CASQ2: variants seen among roughly 807,000 people sequenced by gnomAD.
CASQ2 encodes calsequestrin 2, also known as calsequestrin-2.
A neutral mutation model predicts 46.5 loss-of-function variants in CASQ2; 49 were observed. The ratio of observed to expected loss-of-function variants is 1.05; its 90% CI spans 0.84 to 1.34. The LOEUF (loss-of-function observed/expected upper bound fraction) is 1.34. Ranked by LOEUF, CASQ2 falls within the 40% of genes most tolerant of loss-of-function variation. CASQ2 has a pLI of 0.00. For missense variants in CASQ2, 486 were observed against 481.3 expected (o/e 1.01, Z -0.09); for synonymous variants, 174 against 168.5 (o/e 1.03, Z -0.25).
At chr1:115,742,657 T>A (rs370157862) in intron 2 of CASQ2, among the ~76,000 whole-genome samples, 6 of 152,336 alleles carry the variant, frequency 3.9e-5, no homozygotes, top group African/African-American at 9.6e-5. Flanking sequence ...CTAGTATTTT[T>A]CTCTAACTAA....
rs956588467 is a variant in CASQ2 at position 115,741,077 on chromosome 1, C to T, written c.320-249G>A. On this transcript the variant is annotated intron_variant, in intron 2 of 10. Transcript: ENST00000261448. The stretch of plus-strand genomic sequence containing the variant: ...TAAAAGAAAAGTCTATTCTCCACTC[C>T]ACCACTGCTTTAGTTTTCCAAAAAT... Among the ~76,000 whole-genome samples the T allele has an allele frequency of 3.3e-5, 5 of 152,336 alleles. No homozygotes were observed. In the South Asian group the frequency reaches 6.2e-4, roughly 19 times the overall value.
intron 1 of CASQ2, among the ~76,000 whole-genome samples, chr1:115,758,595 G>C (rs1648838791): frequency 6.6e-6 from 1 of 152,194 alleles, no homozygotes; most frequent in Non-Finnish European, 1.5e-5. Context: ...GGTCATGGAG[G>C]TGAATCCCTT....
rs541969897 is a variant in CASQ2 at position 115,701,035 on chromosome 1, C to G, written c.*206G>C. On this transcript the variant is annotated 3_prime_UTR_variant, in exon 11 of 11. Coordinates refer to ENST00000261448, the MANE Select transcript of CASQ2 (RefSeq NM_001232.4). ...AGTCAACATGGGAATAATTTTTCTC[C>G]TGTCCCTGCTAAGTGGGATTGCTGC... The G allele has an allele frequency of 1.4e-6, 1 of 713,232 alleles. No individual in the cohort carries two copies. Among genetic ancestry groups the G allele is most frequent in the East Asian group, 2.5e-5 (1 of 40,246 alleles). The allele number at this position is 713,232 out of a possible 1,614,324, so 44.2% of individuals were successfully genotyped here.
intron 6 of CASQ2, among the ~76,000 whole-genome samples, chr1:115,725,997 A>T (rs2101077916): frequency 6.6e-6 from 1 of 152,304 alleles, no homozygotes; most frequent in South Asian, 2.1e-4. Flanking sequence ...TATACATTGA[A>T]AGTCCTTTAG....
chr1:115,717,979 A>G, intron 7 of CASQ2, 85 bp from the exon 8 acceptor site: 1 of 939,370 alleles, frequency 1.1e-6, no homozygotes, highest in Non-Finnish European at 1.8e-6. Flanking sequence ...AGAAGCTGGA[A>G]TGGGAATAGG....
At chr1:115,746,647 T>G (rs1648400089) in intron 1 of CASQ2, among the ~76,000 whole-genome samples, 1 of 152,224 alleles carries the variant, frequency 6.6e-6, no homozygotes, top group Non-Finnish European at 1.5e-5. Context: ...GAAATGCCTG[T>G]TCACATCTTT....
intron 4 of CASQ2, among the ~76,000 whole-genome samples, chr1:115,734,810 G>A (rs180851790): frequency 2.6e-5 from 4 of 152,304 alleles, no homozygotes; most frequent in Admixed American, 2.0e-4. Context: ...TAGTAACTGG[G>A]TGTGGTTGAT....
intron 8 of CASQ2, among the ~76,000 whole-genome samples, chr1:115,713,636 G>A (rs1317233932): frequency 6.6e-6 from 1 of 152,196 alleles, no homozygotes; most frequent in African/African-American, 2.4e-5. Flanking sequence ...CCCAAACCTG[G>A]ACAGACAGTG....
chr1:115,728,705 TTTGA>T (rs1647679189), intron 5 of CASQ2, among the ~76,000 whole-genome samples: 1 of 152,232 alleles, frequency 6.6e-6, no homozygotes, highest in African/African-American at 2.4e-5. Context: ...TAATTCTCAC[TTTGA>T]TTGTATGTGG....
intron 1 of CASQ2, among the ~76,000 whole-genome samples, chr1:115,758,899 G>T (rs1256120556): frequency 6.6e-6 from 1 of 152,148 alleles, no homozygotes; most frequent in Non-Finnish European, 1.5e-5. Context: ...AAATTACCTA[G>T]TCTTAGGTAT....
rs764957093 is a variant in CASQ2 at position 115,701,298 on chromosome 1, A to ATCATCATCATCT, written c.1131_1142dup (p.Glu377_Asp380dup). On this transcript the variant is annotated inframe_insertion, in exon 11 of 11. Transcript: ENST00000261448. ...TATCCTCTTCATCAGAATTATCATC[A>ATCATCATCATCT]TCATCATCATCTTCATCATCATCTT... 6.3e-7 allele frequency: 1 copy of ATCATCATCATCT among 1,597,616 alleles called. No individual in the cohort carries two copies. The highest frequency in any genetic ancestry group is 8.6e-7 in the Non-Finnish European group (1 of 1,165,116).
intron 7 of CASQ2, among the ~76,000 whole-genome samples, chr1:115,720,435 TGG>T (rs1647325838): frequency 6.6e-6 from 1 of 152,084 alleles, no homozygotes; most frequent in African/African-American, 2.4e-5. Context: ...ACCATTACCT[TGG>T]GGGCTATGAT....
intron 1 of CASQ2, among the ~76,000 whole-genome samples, chr1:115,763,993 A>T (rs1649044130): frequency 6.6e-6 from 1 of 152,130 alleles, no homozygotes; most frequent in Non-Finnish European, 1.5e-5. Flanking sequence ...TAAATTTACT[A>T]TCTTGGTGGA....
At chr1:115,709,286 GA>G (rs1479231289) in intron 8 of CASQ2, among the ~76,000 whole-genome samples, 2 of 152,210 alleles carry the variant, frequency 1.3e-5, no homozygotes, top group African/African-American at 4.8e-5. Flanking sequence ...TTTTGACCAG[GA>G]AGGCAGGTGT....
chr1:115,710,036 G>A (rs11804289), intron 8 of CASQ2, among the ~76,000 whole-genome samples: 5,146 of 152,160 alleles, frequency 0.034, 128 homozygotes, highest in African/African-American at 0.065. Context: ...TAAAGATGAA[G>A]TCTCTCTGTG....
At position 115,737,142 on chromosome 1, in the gene CASQ2, C is replaced by T. The variant is rs1057109993; in HGVS notation, c.532+1082G>A. Reference sequence around the variant, plus strand: ...CACCCCAGAGTAGTCAGCACTGATACGGAAATGTACAAACTAAAATAAAAT... The same window carrying T: ...CACCCCAGAGTAGTCAGCACTGATATGGAAATGTACAAACTAAAATAAAAT... On this transcript the variant is annotated intron_variant, in intron 4 of 10. Coordinates refer to ENST00000261448, the MANE Select transcript of CASQ2 (RefSeq NM_001232.4). Among the ~76,000 whole-genome samples, 4 of 152,094 alleles carry T rather than the reference C, an allele frequency of 2.6e-5. No homozygotes were observed. The East Asian group carries it at 5.8e-4, about 22-fold the overall frequency.
In CASQ2 at chr1:115,711,116, C is replaced by A. The variant is rs749547833; in HGVS notation, c.839-5824G>T. On this transcript the variant is annotated intron_variant, in intron 8 of 10. Coordinates refer to ENST00000261448, the MANE Select transcript of CASQ2 (RefSeq NM_001232.4). The stretch of plus-strand genomic sequence containing the variant: ...TGCCCTGCTATCTGTCCTCATGGCC[C>A]CACTCCTGGGGGAGCTGGCTGTGCT... 1.6e-4 allele frequency among the ~76,000 whole-genome samples: 24 copies of A among 152,166 alleles called. 1 individual carries two copies. Among genetic ancestry groups the A allele is most frequent in the Non-Finnish European group, 4.4e-5 (3 of 68,020 alleles).
rs746749397 is a variant in CASQ2 at position 115,740,712 on chromosome 1, G to A, written c.420+16C>T. 6 of 1,499,088 alleles carry A rather than the reference G, an allele frequency of 4.0e-6. No individual in the cohort carries two copies. The highest frequency in any genetic ancestry group is 5.6e-6 in the Non-Finnish European group (6 of 1,074,920). 92.9% of individuals were successfully genotyped at this position (1,499,088 alleles called of 1,614,324 possible). A position where few individuals can be genotyped will look rare whatever the true frequency, so the allele number is the denominator to read the frequency against. On this transcript the variant is annotated intron_variant, in intron 3 of 10. Transcript: ENST00000261448. Reference sequence around the variant, plus strand: ...AGAGGCAGCTCCATGCAGGGTCACTGTGTATAAATACTTACATCCAAGAGG... The same window carrying A: ...AGAGGCAGCTCCATGCAGGGTCACTATGTATAAATACTTACATCCAAGAGG...
At chr1:115,745,426 T>C (rs1648355849) in intron 1 of CASQ2, among the ~76,000 whole-genome samples, 1 of 152,122 alleles carries the variant, frequency 6.6e-6, no homozygotes, top group Admixed American at 6.5e-5. Flanking sequence ...ACCTGAGATG[T>C]CTTCTCAAGG....
Sources: allele counts gnomAD v4.1 joint callset (sites outside exome capture counted in the v4.1 genomes callset), GRCh38; gene constraint gnomAD v4.1.1; transcripts MANE v1.5; gene names NCBI Gene and HGNC (gene_info 2026-07-23, HGNC 2026-07-21).